TMEM223: variants seen among roughly 807,000 people sequenced by gnomAD.
TMEM223 encodes transmembrane protein 223.
Under a neutral mutation model 14.1 loss-of-function variants are expected in TMEM223, and 14 were observed. That is an observed-to-expected ratio of 0.99 (90% CI 0.66 to 1.55). The LOEUF is 1.55. Among genes scored for constraint, TMEM223 ranks in the 40% most tolerant of loss-of-function variants. The pLI, the probability that TMEM223 is intolerant of heterozygous loss-of-function variation, is 0.00. For synonymous variants in TMEM223, 145 were observed against 120.5 expected, an observed-to-expected ratio of 1.20 and a Z score of -1.33; for missense variants, 346 against 269.9, an observed-to-expected ratio of 1.28 and a Z score of -1.97.
chr11:62,778,165 G>A (rs1229889123), intron 1 of TMEM223: 2 of 1,613,886 alleles, frequency 1.2e-6, no homozygotes, highest in East Asian at 2.2e-5. Flanking sequence ...GGGGATGGGA[G>A]TTGGGCCGTG....
At chr11:62,791,589 T>G (rs983950147) in intron 1 of TMEM223, 90 bp downstream of exon 1, 1 of 1,378,676 alleles carries the variant, frequency 7.3e-7, no homozygotes, top group Admixed American at 2.8e-5. Flanking sequence ...CACTCTCGGA[T>G]AGGGAGTCCC....
At chr11:62,779,976 A>ATATATATATTTTTTTTTTTTT (rs1294367864) in intron 1 of TMEM223, among the ~76,000 whole-genome samples, 1 of 52,632 alleles carries the variant, frequency 1.9e-5, no homozygotes, top group African/African-American at 7.7e-5. Flanking sequence ...ATATATATAT[A>ATATATATATTTTTTTTTTTTT]TTTTTTTTTT....
At chr11:62,771,904 G>C (rs2084150722) in exon 3 of TMEM223, 2 of 315,380 alleles carry the variant, frequency 6.3e-6, no homozygotes, top group Non-Finnish European at 1.3e-5. Context: ...GCTTCACAAC[G>C]ATCTATTGGC....
At chr11:62,787,661 C>G, downstream of TMEM223, 1 of 1,195,760 alleles carries the variant, frequency 8.4e-7, no homozygotes. Context: ...TGGCGCCGGC[C>G]TGTACCTGAA....
chr11:62,789,372 G>A (rs146539259), downstream of TMEM223: 118 of 1,613,716 alleles, frequency 7.3e-5, no homozygotes, highest in African/African-American at 1.0e-3. Context: ...TGTATCCTTC[G>A]ATTTGGCACC....
downstream of TMEM223, chr11:62,786,775 GA>G: frequency 6.2e-7 from 1 of 1,612,316 alleles, no homozygotes; most frequent in Non-Finnish European, 8.5e-7. Context: ...CTTCTTCGGT[GA>G]CAGCTTGGCC....
chr11:62,785,604 G>A (rs1234888189), downstream of TMEM223, among the ~76,000 whole-genome samples: 6 of 149,230 alleles, frequency 4.0e-5, no homozygotes, highest in African/African-American at 9.9e-5. Context: ...GTGTGATCTC[G>A]GCTCACTGCA....
intron 2 of TMEM223, among the ~76,000 whole-genome samples, chr11:62,772,850 ATC>A (rs1253319485): frequency 1.4e-5 from 2 of 144,670 alleles, no homozygotes; most frequent in African/African-American, 5.5e-5. Flanking sequence ...CTTTTAGAAG[ATC>A]TTTTTTTTTT....
chr11:62,787,210 G>A, downstream of TMEM223: 1 of 1,587,960 alleles, frequency 6.3e-7, no homozygotes, highest in Admixed American at 1.7e-5. Flanking sequence ...CTCGCGCTAC[G>A]TGCAGAAACT....
At chr11:62,772,163 CTTA>C (rs1275349444) in intron 2 of TMEM223, 1 of 455,994 alleles carries the variant, frequency 2.2e-6, no homozygotes, top group Non-Finnish European at 4.4e-6. Flanking sequence ...ATAATAATAT[CTTA>C]TTATTGAGAA....
chr11:62,772,079 C>T (rs1401143212), exon 3 of TMEM223: 1 of 456,240 alleles, frequency 2.2e-6, no homozygotes, highest in Admixed American at 2.3e-5. Flanking sequence ...GTGCTTACTT[C>T]ATGATCTTGG....
chr11:62,783,208 C>T (rs868778718), downstream of TMEM223, among the ~76,000 whole-genome samples: 4 of 152,164 alleles, frequency 2.6e-5, no homozygotes, highest in African/African-American at 7.2e-5. Flanking sequence ...TGGCGCCGGG[C>T]GCAGTGGCTC....
rs138665335 is a variant in TMEM223 at position 62,778,582 on chromosome 11, C to T, written c.315-3917G>A. The T allele has an allele frequency of 9.4e-5, 58 of 617,500 alleles. No individual in the cohort carries two copies. The East Asian group carries it at 1.2e-3, about 13-fold the overall frequency. 38.3% of individuals were successfully genotyped at this position (617,500 alleles called of 1,614,324 possible). On this transcript the variant is annotated intron_variant, in intron 1 of 2. Coordinates refer to the TMEM223 transcript ENST00000528367. ...CAGAAGTCTGGGCAGCATGCTGGGG[C>T]GGTGTTTCACCCCCAGGGTATGCTG...
At position 62,790,197 on chromosome 11, in the gene TMEM223, T is replaced by C; in HGVS notation, c.*426A>G. On this transcript the variant is annotated 3_prime_UTR_variant, in exon 2 of 2. Transcript: ENST00000307366. ...ATAATGACAGGCCCCCCTCCACCTC[T>C]TCCTGCAGCTGTTTTTGTACCAAAA... 1 of 834,756 alleles carries C rather than the reference T, an allele frequency of 1.2e-6. No individual in the cohort carries two copies. The highest frequency in any genetic ancestry group is 1.8e-6 in the Non-Finnish European group (1 of 560,862). 51.7% of individuals were successfully genotyped at this position (834,756 alleles called of 1,614,324 possible).
downstream of TMEM223, chr11:62,786,992 GGCC>G (rs541215730): frequency 1.2e-5 from 17 of 1,477,252 alleles, 1 homozygote; most frequent in Middle Eastern, 2.3e-4. Context: ...TCTGAGAGCA[GGCC>G]CTTGCCGCGC....
At chr11:62,782,958 G>GA, downstream of TMEM223, 1 of 1,333,038 alleles carries the variant, frequency 7.5e-7, no homozygotes, top group Non-Finnish European at 1.0e-6. Context: ...CCTTAGGCCA[G>GA]GCTCAGTGAT....
intron 1 of TMEM223, among the ~76,000 whole-genome samples, chr11:62,775,141 C>T (rs931286684): frequency 6.6e-6 from 1 of 151,800 alleles, no homozygotes; most frequent in Non-Finnish European, 1.5e-5. Context: ...GGGGAGGCCT[C>T]AGGAAACTTA....
chr11:62,778,037 A>G, intron 1 of TMEM223: 1 of 1,614,088 alleles, frequency 6.2e-7, no homozygotes, highest in Non-Finnish European at 8.5e-7. Context: ...GGGAGGGTGA[A>G]CTCTACTTTC....
At position 62,790,191 on chromosome 11, in the gene TMEM223, C is replaced by A; in HGVS notation, c.*432G>T. 3.4e-6 allele frequency: 3 copies of A among 874,530 alleles called. No individual in the cohort carries two copies. The highest frequency in any genetic ancestry group is 5.0e-6 in the Non-Finnish European group (3 of 596,074). 54.2% of individuals were successfully genotyped at this position (874,530 alleles called of 1,614,324 possible). On this transcript the variant is annotated 3_prime_UTR_variant, in exon 2 of 2. Coordinates refer to ENST00000307366, the MANE Select transcript of TMEM223 (RefSeq NM_001080501.3). ...GGAAACATAATGACAGGCCCCCCTCCACCTCTTCCTGCAGCTGTTTTTGTA... is the reference window on the plus strand; with the variant it reads ...GGAAACATAATGACAGGCCCCCCTCAACCTCTTCCTGCAGCTGTTTTTGTA...
Sources: allele counts gnomAD v4.1 joint callset (sites outside exome capture counted in the v4.1 genomes callset), GRCh38; gene constraint gnomAD v4.1.1; transcripts MANE v1.5; gene names NCBI Gene and HGNC (gene_info 2026-07-23, HGNC 2026-07-21).